Variants in SPOCK3 observed in about 807,000 individuals in gnomAD.
SPOCK3 encodes the protein testican-3.
In SPOCK3, 30 loss-of-function variants were observed where a neutral mutation model predicts 56.6. The observed-to-expected ratio is 0.53, with a 90% CI of 0.40 to 0.72. SPOCK3 has a LOEUF of 0.72. SPOCK3 is among the 30% of genes least tolerant of loss of function. The pLI is 0.00. For synonymous variants in SPOCK3, 196 were observed against 183.3 expected, an observed-to-expected ratio of 1.07 and a Z score of -0.56; for missense variants, 527 against 530.0, an observed-to-expected ratio of 0.99 and a Z score of 0.06.
At chr4:166,852,357 T>G (rs1730215386) in intron 6 of SPOCK3, among the ~76,000 whole-genome samples, 1 of 151,966 alleles carries the variant, frequency 6.6e-6, no homozygotes, top group Non-Finnish European at 1.5e-5. Flanking sequence ...GCAAAGGGGA[T>G]TCCAGAGAAA....
chr4:166,860,811 A>ATATATATATATATATG (rs984740187), intron 6 of SPOCK3, among the ~76,000 whole-genome samples: 2 of 143,760 alleles, frequency 1.4e-5, no homozygotes, highest in African/African-American at 5.1e-5. Context: ...TCATATATAT[A>ATATATATATATATATG]TATATGTATA....
intron 7 of SPOCK3, among the ~76,000 whole-genome samples, chr4:166,790,864 AT>A (rs1444216655): frequency 6.6e-6 from 1 of 152,198 alleles, no homozygotes; most frequent in East Asian, 1.9e-4. Flanking sequence ...GTGAACATGA[AT>A]CTTTAAAAAA....
intron 6 of SPOCK3, among the ~76,000 whole-genome samples, chr4:166,856,285 G>A (rs1428889853): frequency 6.6e-6 from 1 of 152,078 alleles, no homozygotes; most frequent in Non-Finnish European, 1.5e-5. Flanking sequence ...ACAGCATGGT[G>A]ACTGTAGTTA....
At chr4:166,951,863 C>T (rs982360267) in intron 4 of SPOCK3, among the ~76,000 whole-genome samples, 21 of 151,958 alleles carry the variant, frequency 1.4e-4, no homozygotes, top group African/African-American at 4.8e-4. Context: ...GCAGAAAAGG[C>T]CTTTGACAAA....
intron 2 of SPOCK3, among the ~76,000 whole-genome samples, chr4:167,082,859 G>A (rs1213878524): frequency 6.6e-6 from 1 of 151,028 alleles, no homozygotes; most frequent in African/African-American, 2.4e-5. Context: ...AGGGAGGGGT[G>A]AGAGAGTAAT....
chr4:166,850,269 A>T (rs1380255833), intron 6 of SPOCK3, among the ~76,000 whole-genome samples: 1 of 152,208 alleles, frequency 6.6e-6, no homozygotes, highest in African/African-American at 2.4e-5. Flanking sequence ...TTTTGACAGT[A>T]GGCAGTAGAC....
chr4:166,814,078 T>C (rs1395737838), intron 6 of SPOCK3, among the ~76,000 whole-genome samples: 1 of 152,110 alleles, frequency 6.6e-6, no homozygotes, highest in Non-Finnish European at 1.5e-5. Flanking sequence ...TTGATAACTT[T>C]CTGCTTTAGC....
intron 2 of SPOCK3, among the ~76,000 whole-genome samples, chr4:167,107,375 C>A (rs1411135964): frequency 6.6e-6 from 1 of 151,242 alleles, no homozygotes; most frequent in Non-Finnish European, 1.5e-5. Flanking sequence ...TGTGTTATAT[C>A]AAGAGAATGA....
intron 2 of SPOCK3, among the ~76,000 whole-genome samples, chr4:167,147,283 A>G (rs186771714): frequency 2.0e-3 from 308 of 152,302 alleles, no homozygotes; most frequent in African/African-American, 7.1e-3. Flanking sequence ...CCCTGAATAG[A>G]CCAACAAGTT....
intron 2 of SPOCK3, among the ~76,000 whole-genome samples, chr4:167,186,758 T>A (rs1732005782): frequency 6.7e-6 from 1 of 149,968 alleles, no homozygotes; most frequent in Non-Finnish European, 1.5e-5. Context: ...AGGTGGATAA[T>A]CTGAGGTCAG....
At chr4:166,916,142 G>A (rs1358840643) in intron 4 of SPOCK3, among the ~76,000 whole-genome samples, 1 of 151,782 alleles carries the variant, frequency 6.6e-6, no homozygotes, top group Non-Finnish European at 1.5e-5. Context: ...GGGAAACGAA[G>A]CAAATTGAAT....
intron 3 of SPOCK3, among the ~76,000 whole-genome samples, chr4:167,017,720 GTA>G (rs1267529409): frequency 1.3e-5 from 2 of 152,062 alleles, no homozygotes; most frequent in Non-Finnish European, 2.9e-5. Context: ...GTATATGAAT[GTA>G]TGTGTGTGTG....
intron 2 of SPOCK3, among the ~76,000 whole-genome samples, chr4:167,216,499 G>A (rs13121912): frequency 0.032 from 4,817 of 152,148 alleles, 115 homozygotes; most frequent in Middle Eastern, 0.075. Context: ...CCCAAAGAAG[G>A]GTGAACAGTC....
chr4:167,151,437 T>C (rs1443310212), intron 2 of SPOCK3, among the ~76,000 whole-genome samples: 2 of 538 alleles, frequency 3.7e-3, no homozygotes, highest in African/African-American at 7.9e-3. Context: ...TTTTTTTTCT[T>C]TTTTTTTTTT....
intron 4 of SPOCK3, among the ~76,000 whole-genome samples, chr4:166,995,796 C>T (rs1748305232): frequency 6.6e-6 from 1 of 152,026 alleles, no homozygotes; most frequent in African/African-American, 2.4e-5. Context: ...TCTCTGAAGA[C>T]ATTATTAATA....
At chr4:167,208,910 T>C (rs1206946545) in intron 2 of SPOCK3, among the ~76,000 whole-genome samples, 4 of 152,164 alleles carry the variant, frequency 2.6e-5, no homozygotes, top group African/African-American at 2.4e-5. Context: ...TTATATTTGT[T>C]TGCAATCACT....
chr4:167,151,019 C>T (rs965582167), intron 2 of SPOCK3, among the ~76,000 whole-genome samples: 2 of 152,124 alleles, frequency 1.3e-5, no homozygotes, highest in African/African-American at 4.8e-5. Context: ...GACAATATTG[C>T]ATCTGAGCCC....
chr4:166,781,874 G>GAAACA (rs772904677), intron 7 of SPOCK3, among the ~76,000 whole-genome samples: 38 of 151,996 alleles, frequency 2.5e-4, no homozygotes, highest in Non-Finnish European at 4.7e-4. Flanking sequence ...GTAACATGCT[G>GAAACA]AAACAAAACA....
intron 4 of SPOCK3, among the ~76,000 whole-genome samples, chr4:166,965,133 G>T (rs1744575202): frequency 1.3e-5 from 2 of 151,978 alleles, no homozygotes; most frequent in East Asian, 1.9e-4. Flanking sequence ...TTTATGGAAA[G>T]AACATGCTTT....
Sources: gnomAD v4.1 joint callset for allele counts (sites outside exome capture counted in the v4.1 genomes callset) on GRCh38, gnomAD v4.1.1 for gene constraint, MANE v1.5 for transcripts, NCBI Gene and HGNC (gene_info 2026-07-23, HGNC 2026-07-21) for gene names.